LIMA1: variants seen among roughly 807,000 people sequenced by gnomAD.
LIMA1 encodes LIM domain and actin-binding protein 1.
In LIMA1, 52 loss-of-function variants were observed where a neutral mutation model predicts 62.6. The observed-to-expected ratio is 0.83, with a 90% CI of 0.67 to 1.05. The LOEUF (loss-of-function observed/expected upper bound fraction) is 1.05. Ranked by LOEUF, LIMA1 falls within the 50% of genes least tolerant of loss-of-function variation. The probability of loss-of-function intolerance (pLI) is 0.00; values close to 1 mark genes in which losing one functional copy is unlikely to be tolerated. For missense variants in LIMA1, 780 were observed against 902.2 expected (o/e 0.86, Z 1.74); for synonymous variants, 302 against 317.8 (o/e 0.95, Z 0.53).
intron 8 of LIMA1, among the ~76,000 whole-genome samples, chr12:50,193,992 TATA>T (rs1565833768): frequency 3.8e-5 from 5 of 132,724 alleles, no homozygotes; most frequent in African/African-American, 6.2e-5. Flanking sequence ...TATATATATA[TATA>T]TATTTTTTTT....
At chr12:50,226,465 T>G (rs1224326390) in intron 3 of LIMA1, among the ~76,000 whole-genome samples, 1 of 152,192 alleles carries the variant, frequency 6.6e-6, no homozygotes. Context: ...AAAAATTGCT[T>G]CCAACTTTTC....
chr12:50,266,948 G>A (rs941909786), intron 1 of LIMA1, among the ~76,000 whole-genome samples: 3 of 152,244 alleles, frequency 2.0e-5, no homozygotes, highest in Non-Finnish European at 4.4e-5. Flanking sequence ...AGGCTGGAGT[G>A]CAGTGGCCTG....
intron 1 of LIMA1, among the ~76,000 whole-genome samples, chr12:50,269,250 T>C (rs1385250780): frequency 2.0e-5 from 3 of 151,762 alleles, no homozygotes; most frequent in Non-Finnish European, 4.4e-5. Flanking sequence ...ATATAACTTA[T>C]TTAATCTTCA....
chr12:50,256,971 G>C (rs1942005182), intron 1 of LIMA1, among the ~76,000 whole-genome samples: 2 of 152,152 alleles, frequency 1.3e-5, no homozygotes. Flanking sequence ...CATTAGCCTT[G>C]ATCACATGGT....
At chr12:50,205,234 C>T (rs556488322) in intron 5 of LIMA1, among the ~76,000 whole-genome samples, 48 of 113,632 alleles carry the variant, frequency 4.2e-4, no homozygotes, top group Admixed American at 7.5e-4. Flanking sequence ...TGCACCACCA[C>T]GCTGGGCTTT....
Position 50,222,381 on chromosome 12 carries a change from TAG to T in LIMA1, c.268_269del (p.Leu90ThrfsTer6), listed in dbSNP as rs1941459300. ...GCCTAATCTCAGTGCTGCTGTTCCG[TAG>T]AGAGTCTGTGTGAGACTCTGCTCCC... ...GLGAESHTDS[L>X]RNSSTEIRHR... On this transcript the variant is annotated frameshift_variant, in exon 4 of 11. Transcript: ENST00000341247. LOFTEE classifies it high-confidence loss of function. The T allele has an allele frequency of 1.9e-6, 3 of 1,614,034 alleles. No individual in the cohort carries two copies. The highest frequency in any genetic ancestry group is 2.2e-5 in the East Asian group (1 of 44,896).
At position 50,177,152 on chromosome 12, in the gene LIMA1, A is replaced by G. The variant is rs550972911; in HGVS notation, c.2192T>C (p.Leu731Pro). Residue 731 changes from leucine (L) to proline (P), a missense_variant, in exon 11 of 11, where the codon CTC becomes CCC. By Grantham distance (98) the Leu-to-Pro change is moderately conservative. Coordinates refer to ENST00000341247, the MANE Select transcript of LIMA1 (RefSeq NM_016357.5). ...CTCTTTGACCACTTCTCCCTCCCAG[A>G]GTTCCACATCCTGGGATTTCTGATT... ...TQNQKSQDVE[L>P]WEGEVVKELS... 4.3e-6 allele frequency: 7 copies of G among 1,613,490 alleles called. No homozygotes were observed. The South Asian group carries it at 7.7e-5, about 18-fold the overall frequency.
chr12:50,220,371 T>C (rs1462163100), intron 4 of LIMA1, among the ~76,000 whole-genome samples: 1 of 152,180 alleles, frequency 6.6e-6, no homozygotes, highest in East Asian at 1.9e-4. Context: ...AGTAAGATCT[T>C]ATATGGAAAG....
At chr12:50,283,260 G>A (rs550532341) in intron 1 of LIMA1, among the ~76,000 whole-genome samples, 160 bp downstream of exon 1, 80 of 150,686 alleles carry the variant, frequency 5.3e-4, no homozygotes, top group Admixed American at 1.5e-3. Flanking sequence ...CAGAAGTGAG[G>A]AAAGAACGGA....
chr12:50,206,327 G>C (rs1189771952), intron 4 of LIMA1, among the ~76,000 whole-genome samples: 1 of 152,004 alleles, frequency 6.6e-6, no homozygotes, highest in Non-Finnish European at 1.5e-5. Flanking sequence ...TTATTGGAGG[G>C]GAATCCTCAC....
intron 1 of LIMA1, among the ~76,000 whole-genome samples, chr12:50,258,894 C>T (rs1942032116): frequency 6.6e-6 from 1 of 151,962 alleles, no homozygotes; most frequent in South Asian, 2.1e-4. Context: ...GATCTGCCCA[C>T]CTCGGCCCCC....
At chr12:50,256,444 T>C (rs898946835) in intron 1 of LIMA1, 1 of 152,222 alleles carries the variant, frequency 6.6e-6, no homozygotes, top group African/African-American at 2.4e-5. Flanking sequence ...ATTACCATAG[T>C]ACAATTAGCA....
chr12:50,220,194 G>A (rs1941417090), intron 4 of LIMA1, among the ~76,000 whole-genome samples: 1 of 151,992 alleles, frequency 6.6e-6, no homozygotes, highest in African/African-American at 2.4e-5. Context: ...CCAAGTAGCT[G>A]TGACTACCAG....
Position 50,200,777 on chromosome 12 carries a change from C to A in LIMA1, c.972G>T (p.Lys324Asn), listed in dbSNP as rs183802719. The change falls in exon 7 of 11, where the codon AAG becomes AAT. Residue 324 changes from lysine to asparagine, a missense_variant and splice_region_variant. Transcript: ENST00000341247. Reference protein sequence around the residue: ...EVCITHQEGEKISANENSLAV... With the variant: ...EVCITHQEGENISANENSLAV... ...CTGGACATCAGACTTTTCAACCTAC[C>A]TTTTCCCCTTCCTGATGGGTGATGC... 1 of 1,614,008 alleles carries A rather than the reference C, an allele frequency of 6.2e-7. No homozygotes were observed. Among genetic ancestry groups the A allele is most frequent in the East Asian group, 2.2e-5 (1 of 44,884 alleles).
At position 50,176,959 on chromosome 12, in the gene LIMA1, T is replaced by C. The variant is rs1940349939; in HGVS notation, c.*105A>G. ...TTTTCCAAAGTTACTTCCAAGTAAATTACATTTCATGCTGGGATACCTGCT... is the reference window on the plus strand; with the variant it reads ...TTTTCCAAAGTTACTTCCAAGTAAACTACATTTCATGCTGGGATACCTGCT... On this transcript the variant is annotated 3_prime_UTR_variant, in exon 11 of 11. Transcript: ENST00000341247. 1 of 900,000 alleles carries C rather than the reference T, an allele frequency of 1.1e-6. No homozygotes were observed. The highest frequency in any genetic ancestry group is 2.8e-5 in the East Asian group (1 of 35,242). The allele number at this position is 900,000 out of a possible 1,614,324, so 55.8% of individuals were successfully genotyped here.
At chr12:50,195,784 T>A in intron 8 of LIMA1, 46 bp downstream of exon 8, 1 of 1,557,728 alleles carries the variant, frequency 6.4e-7, no homozygotes, top group Non-Finnish European at 8.6e-7. Context: ...CAAATACAGA[T>A]AGAAAACAAG....
Position 50,222,442 on chromosome 12 carries a change from G to C in LIMA1, c.209C>G (p.Thr70Ser). The C allele has an allele frequency of 1.2e-6, 2 of 1,614,138 alleles. No homozygotes were observed. Among genetic ancestry groups the C allele is most frequent in the Non-Finnish European group, 1.7e-6 (2 of 1,180,034 alleles). Residue 70 changes from threonine to serine, a missense_variant, in exon 4 of 11, where the codon ACT becomes AGT. Coordinates refer to ENST00000341247, the MANE Select transcript of LIMA1 (RefSeq NM_016357.5). ...LSQHFRKGTL[T>S]VLKKKWENPG... ...GTTCTCCCACTTCTTCTTTAACACAGTCAGGGTCCCCTTTCTAAAGTGCTG... is the reference window on the plus strand; with the variant it reads ...GTTCTCCCACTTCTTCTTTAACACACTCAGGGTCCCCTTTCTAAAGTGCTG...
chr12:50,273,143 C>T (rs997484898), intron 1 of LIMA1, among the ~76,000 whole-genome samples: 3 of 151,544 alleles, frequency 2.0e-5, no homozygotes, highest in Admixed American at 1.3e-4. Context: ...TTAGTAGAGA[C>T]GGAGTTTTGC....
At chr12:50,276,275 T>C (rs1191529848) in intron 1 of LIMA1, among the ~76,000 whole-genome samples, 1 of 152,192 alleles carries the variant, frequency 6.6e-6, no homozygotes, top group East Asian at 1.9e-4. Flanking sequence ...TGGAGAAAAG[T>C]ATTAAAGTGG....
Sources: gnomAD v4.1 joint callset for allele counts (sites outside exome capture counted in the v4.1 genomes callset) on GRCh38, gnomAD v4.1.1 for gene constraint, MANE v1.5 for transcripts, NCBI Gene and HGNC (gene_info 2026-07-23, HGNC 2026-07-21) for gene names.